The following NDUFS1 variants were observed in gnomAD, a reference collection of about 807,000 sequenced individuals.
The protein encoded by NDUFS1 is NADH:ubiquinone oxidoreductase core subunit S1, also known as NADH-ubiquinone oxidoreductase 75 kDa subunit, mitochondrial.
A neutral mutation model predicts 84.4 loss-of-function variants in NDUFS1; 61 were observed. The observed-to-expected ratio is 0.72, with a 90% CI of 0.59 to 0.89. NDUFS1 has a LOEUF of 0.89. Ranked by LOEUF, NDUFS1 falls within the 40% of genes least tolerant of loss-of-function variation. The probability of loss-of-function intolerance (pLI) is 0.00; values close to 1 mark genes in which losing one functional copy is unlikely to be tolerated. For synonymous variants in NDUFS1, 275 were observed against 290.0 expected (o/e 0.95, Z 0.53); for missense variants, 891 against 890.0 (o/e 1.00, Z -0.01).
rs1227037486 is a variant in NDUFS1 at position 206,150,917 on chromosome 2, T to TC, written c.154-993dup. 4.6e-5 allele frequency among the ~76,000 whole-genome samples: 7 copies of TC among 152,246 alleles called. No individual in the cohort carries two copies. The South Asian group carries it at 6.2e-4, about 14-fold the overall frequency. Reference sequence around the variant, plus strand: ...TGAAACTTCTTTTGTGTTTTTTTTTTCTCACTGTTAAAGCAATATTGGGAA... The same window carrying TC: ...TGAAACTTCTTTTGTGTTTTTTTTTTCCTCACTGTTAAAGCAATATTGGGAA... On this transcript the variant is annotated intron_variant, in intron 3 of 18. Coordinates refer to ENST00000233190, the MANE Select transcript of NDUFS1 (RefSeq NM_005006.7).
At chr2:206,157,475 GT>G (rs1174000132) in intron 1 of NDUFS1, among the ~76,000 whole-genome samples, 1 of 152,126 alleles carries the variant, frequency 6.6e-6, no homozygotes, top group Non-Finnish European at 1.5e-5. Flanking sequence ...TTATCACCAA[GT>G]TCTAGAACTA....
chr2:206,153,142 G>A (rs984270704), intron 2 of NDUFS1, among the ~76,000 whole-genome samples: 1 of 149,984 alleles, frequency 6.7e-6, no homozygotes, highest in Non-Finnish European at 1.5e-5. Context: ...CCTATAAACT[G>A]TTTAAAGTAA....
chr2:206,146,305 A>G (rs1692152281), intron 8 of NDUFS1, among the ~76,000 whole-genome samples: 2 of 152,240 alleles, frequency 1.3e-5, no homozygotes. Flanking sequence ...CAGCAAGTAG[A>G]GATTCTCAGT....
Position 206,116,424 on chromosome 2 carries a change from C to T in NDUFS1, c.*7761G>A. ...CCCAAGCTGCCAGGGCCTCGATAGG[C>T]AGGGCGCGGCAGGTGCCAGGACCAC... On this transcript the variant is annotated 3_prime_UTR_variant, in exon 19 of 19. Transcript: ENST00000233190. 1 of 808,562 alleles carries T rather than the reference C, an allele frequency of 1.2e-6. No homozygotes were observed. The highest frequency in any genetic ancestry group is 1.4e-5 in the South Asian group (1 of 70,126). 50.1% of individuals were successfully genotyped at this position (808,562 alleles called of 1,614,324 possible).
rs1318331054 is a variant in NDUFS1 at position 206,120,437 on chromosome 2, ATGG to A, written c.*3745_*3747del. On this transcript the variant is annotated 3_prime_UTR_variant, in exon 19 of 19. Transcript: ENST00000233190. Reference sequence around the variant, plus strand: ...TTGTGACCAAAATGCTGATAGACATATGGTGAAGTCCAGAGTGATGAGGTCTCA... The same window carrying A: ...TTGTGACCAAAATGCTGATAGACATATGAAGTCCAGAGTGATGAGGTCTCA... 6.6e-6 allele frequency: 1 copy of A among 152,236 alleles called. No homozygotes were observed. The highest frequency in any genetic ancestry group is 6.5e-5 in the Admixed American group (1 of 15,278). 9.4% of individuals were successfully genotyped at this position (152,236 alleles called of 1,614,324 possible).
rs59751619 is a variant in NDUFS1, at chr2:206,136,438, G to GTT, written c.1392+2045_1392+2046dup. On this transcript the variant is annotated intron_variant, in intron 13 of 18. Coordinates refer to ENST00000233190, the MANE Select transcript of NDUFS1 (RefSeq NM_005006.7). ...GTTTTTAGTTGTTGGTTTTTTTTTT[G>GTT]TTTTTTTTTTTTTGAGATGGAGTCT... Among the ~76,000 whole-genome samples, 641 of 125,938 alleles carry GTT rather than the reference G, an allele frequency of 5.1e-3. 4 individuals carry two copies. The highest frequency in any genetic ancestry group is 9.9e-3 in the African/African-American group (334 of 33,648). The allele number at this position is 125,938 out of a possible 152,430, so 82.6% of individuals were successfully genotyped here. A position where few individuals can be genotyped will look rare whatever the true frequency, so the allele number is the denominator to read the frequency against.
intron 13 of NDUFS1, among the ~76,000 whole-genome samples, chr2:206,138,073 G>A (rs184432479): frequency 2.0e-5 from 3 of 152,200 alleles, no homozygotes; most frequent in African/African-American, 7.2e-5. Flanking sequence ...TCTTCCTCAT[G>A]TTCTTTTCTG....
Position 206,115,923 on chromosome 2 carries a change from T to C in NDUFS1, c.*8262A>G, listed in dbSNP as rs1274006184. 1 of 632,926 alleles carries C rather than the reference T, an allele frequency of 1.6e-6. No individual in the cohort carries two copies. Among genetic ancestry groups the C allele is most frequent in the African/African-American group, 1.8e-5 (1 of 54,608 alleles). 39.2% of individuals were successfully genotyped at this position (632,926 alleles called of 1,614,324 possible). A position where few individuals can be genotyped will look rare whatever the true frequency, so the allele number is the denominator to read the frequency against. The stretch of plus-strand genomic sequence containing the variant: ...CATAGGATGTTGTGAAAAAGACACA[T>C]ATTATGTTTATCTACAATCATTAGA... On this transcript the variant is annotated 3_prime_UTR_variant, in exon 19 of 19. Coordinates refer to ENST00000233190, the MANE Select transcript of NDUFS1 (RefSeq NM_005006.7).
At chr2:206,143,333 C>T (rs1692035828) in intron 10 of NDUFS1, among the ~76,000 whole-genome samples, 1 of 152,152 alleles carries the variant, frequency 6.6e-6, no homozygotes, top group Non-Finnish European at 1.5e-5. Flanking sequence ...TTATGTGGGG[C>T]CACAGCTAAT....
At chr2:206,135,622 G>A (rs1313289976) in intron 13 of NDUFS1, among the ~76,000 whole-genome samples, 9 of 151,480 alleles carry the variant, frequency 5.9e-5, no homozygotes, top group South Asian at 2.1e-4. Context: ...AGTGAGCCGA[G>A]ATCATGCCAC....
rs1404121323 is a variant in NDUFS1, at chr2:206,116,294, T to G, written c.*7891A>C. ...GGTTACTTCTCCTGATAAAGGAGAA[T>G]AGAGTTCACTAGCAGCTTTCACACT... is the stretch of plus-strand genomic sequence containing the variant. On this transcript the variant is annotated 3_prime_UTR_variant, in exon 19 of 19. Coordinates refer to ENST00000233190, the MANE Select transcript of NDUFS1 (RefSeq NM_005006.7). The G allele has an allele frequency of 1.1e-6, 1 of 920,228 alleles. No individual in the cohort carries two copies. Among genetic ancestry groups the G allele is most frequent in the East Asian group, 2.4e-5 (1 of 41,836 alleles). 57.0% of individuals were successfully genotyped at this position (920,228 alleles called of 1,614,324 possible). A position where few individuals can be genotyped will look rare whatever the true frequency, so the allele number is the denominator to read the frequency against.
intron 1 of NDUFS1, among the ~76,000 whole-genome samples, chr2:206,156,733 G>A (rs551798839): frequency 6.6e-6 from 1 of 152,288 alleles, no homozygotes; most frequent in African/African-American, 2.4e-5. Flanking sequence ...TGTACAACAG[G>A]AAATTTCATT....
At chr2:206,139,748 A>G (rs1232031472) in intron 12 of NDUFS1, among the ~76,000 whole-genome samples, 1 of 151,468 alleles carries the variant, frequency 6.6e-6, no homozygotes, top group Non-Finnish European at 1.5e-5. Context: ...TGATGTAATT[A>G]TTAATTCCCT....
At chr2:206,147,299 A>G (rs754551929) in intron 7 of NDUFS1, among the ~76,000 whole-genome samples, 2 of 152,240 alleles carry the variant, frequency 1.3e-5, no homozygotes, top group African/African-American at 2.4e-5. Flanking sequence ...TCATATGTGT[A>G]CAACTCACCA....
chr2:206,121,349 A>C lies in NDUFS1; in HGVS notation c.*2836T>G, dbSNP rs1189246260. On this transcript the variant is annotated 3_prime_UTR_variant, in exon 19 of 19. Coordinates refer to ENST00000233190, the MANE Select transcript of NDUFS1 (RefSeq NM_005006.7). Reference sequence around the variant, plus strand: ...TATTTTTCTCTAGCAATTATCTTCAATGTTTATGCTTACAATAACCTTAGT... The same window carrying C: ...TATTTTTCTCTAGCAATTATCTTCACTGTTTATGCTTACAATAACCTTAGT... 6.6e-6 allele frequency: 1 copy of C among 152,174 alleles called. No individual in the cohort carries two copies. Among genetic ancestry groups the C allele is most frequent in the Admixed American group, 6.5e-5 (1 of 15,276 alleles). The allele number at this position is 152,174 out of a possible 1,614,324, so 9.4% of individuals were successfully genotyped here.
intron 1 of NDUFS1, among the ~76,000 whole-genome samples, chr2:206,154,768 C>T (rs1281728097): frequency 1.3e-5 from 2 of 151,994 alleles, no homozygotes; most frequent in African/African-American, 4.8e-5. Flanking sequence ...GGATTACAGG[C>T]ACCCGCCACC....
At chr2:206,152,970 C>A (rs1692433441) in intron 2 of NDUFS1, among the ~76,000 whole-genome samples, 1 of 152,090 alleles carries the variant, frequency 6.6e-6, no homozygotes, top group South Asian at 2.1e-4. Flanking sequence ...TCCCAAAGTG[C>A]TGAGATTACA....
intron 12 of NDUFS1, among the ~76,000 whole-genome samples, chr2:206,139,760 T>A (rs1691862030): frequency 1.3e-5 from 2 of 151,486 alleles, no homozygotes. Context: ...TAATTCCCTC[T>A]TTCACTCCCG....
chr2:206,150,458 T>C (rs546360916), intron 3 of NDUFS1, among the ~76,000 whole-genome samples: 1 of 152,338 alleles, frequency 6.6e-6, no homozygotes, highest in Admixed American at 6.5e-5. Context: ...TGCTCTGCAA[T>C]TTCTTCCTCC....
Sources: allele counts gnomAD v4.1 joint callset (sites outside exome capture counted in the v4.1 genomes callset), GRCh38; gene constraint gnomAD v4.1.1; transcripts MANE v1.5; gene names NCBI Gene and HGNC (gene_info 2026-07-23, HGNC 2026-07-21).